SLC24A3: variants seen among roughly 807,000 people sequenced by gnomAD.
The protein encoded by SLC24A3 is sodium/potassium/calcium exchanger 3.
SLC24A3 carries 28 observed loss-of-function variants against 75.8 expected under a neutral mutation model. The observed-to-expected ratio is 0.37, with a 90% CI of 0.27 to 0.51. The LOEUF (loss-of-function observed/expected upper bound fraction) is 0.51. SLC24A3 is among the 20% of genes least tolerant of loss of function. SLC24A3 has a pLI of 0.94. For missense variants in SLC24A3, 663 were observed against 847.8 expected, an observed-to-expected ratio of 0.78 and a Z score of 2.71; for synonymous variants, 372 against 334.1, an observed-to-expected ratio of 1.11 and a Z score of -1.24.
intron 7 of SLC24A3, among the ~76,000 whole-genome samples, chr20:19,657,487 C>G (rs116049563): frequency 1.3e-5 from 2 of 152,230 alleles, no homozygotes; most frequent in African/African-American, 4.8e-5. Flanking sequence ...GGGTATTCAT[C>G]TGTTGCATAG....
chr20:19,545,816 C>A (rs571448115), intron 3 of SLC24A3, among the ~76,000 whole-genome samples: 20 of 152,238 alleles, frequency 1.3e-4, no homozygotes, highest in Admixed American at 1.3e-4. Context: ...TCGAATAGTG[C>A]TTTCATTTCT....
In SLC24A3 at chr20:19,212,992, C is replaced by T. The variant is rs1309361129; in HGVS notation, c.142+8C>T. The T allele has an allele frequency of 3.9e-6, 5 of 1,269,634 alleles. No individual in the cohort carries two copies. Among genetic ancestry groups the T allele is most frequent in the Non-Finnish European group, 5.0e-6 (5 of 1,005,790 alleles). The allele number at this position is 1,269,634 out of a possible 1,614,324, so 78.6% of individuals were successfully genotyped here. A position where few individuals can be genotyped will look rare whatever the true frequency, so the allele number is the denominator to read the frequency against. ...GCCTGCGAGAGCAGAAGGGTGAGTG[C>T]ACGCTGCCTGCCCCGAGTGGGCGCT... On this transcript the variant is annotated splice_region_variant and intron_variant, in intron 1 of 16. Coordinates refer to ENST00000328041, the MANE Select transcript of SLC24A3 (RefSeq NM_020689.4).
chr20:19,411,727 G>T (rs1470432642), intron 2 of SLC24A3, among the ~76,000 whole-genome samples: 1 of 152,190 alleles, frequency 6.6e-6, no homozygotes, highest in Non-Finnish European at 1.5e-5. Flanking sequence ...ATAATTGTAG[G>T]TTATGCTTTT....
At chr20:19,292,086 T>C (rs1048904213) in intron 2 of SLC24A3, among the ~76,000 whole-genome samples, 4 of 152,194 alleles carry the variant, frequency 2.6e-5, no homozygotes, top group African/African-American at 9.7e-5. Flanking sequence ...GGAGGACCCA[T>C]GGGCTGTGGG....
At chr20:19,230,201 G>T (rs956634898) in intron 1 of SLC24A3, among the ~76,000 whole-genome samples, 2 of 152,016 alleles carry the variant, frequency 1.3e-5, no homozygotes, top group African/African-American at 2.4e-5. Context: ...TCCCTTCAGC[G>T]CCCTCACCAC....
chr20:19,346,124 G>A (rs55995657), intron 2 of SLC24A3, among the ~76,000 whole-genome samples: 29,731 of 43,390 alleles, frequency 0.69, 11,712 homozygotes, highest in South Asian at 0.8. Flanking sequence ...GTGTGTGTGT[G>A]TATATATATA....
intron 1 of SLC24A3, among the ~76,000 whole-genome samples, chr20:19,248,786 G>T (rs940429908): frequency 1.3e-5 from 2 of 151,904 alleles, no homozygotes; most frequent in Admixed American, 1.3e-4. Context: ...AGAGAAGGTG[G>T]TGTATATATA....
intron 3 of SLC24A3, among the ~76,000 whole-genome samples, chr20:19,517,341 G>A (rs1463575932): frequency 1.3e-5 from 2 of 152,186 alleles, no homozygotes; most frequent in African/African-American, 4.8e-5. Context: ...GTTGTCGCCT[G>A]CAGCTGCATG....
Position 19,377,825 on chromosome 20 carries a change from T to A in SLC24A3, c.271+96738T>A, listed in dbSNP as rs16980451. Among the ~76,000 whole-genome samples the A allele has an allele frequency of 9.7e-3, 1,475 of 152,288 alleles. 19 individuals are homozygous for A. Among genetic ancestry groups the A allele is most frequent in the African/African-American group, 0.034 (1,402 of 41,566 alleles). On this transcript the variant is annotated intron_variant, in intron 2 of 16. Coordinates refer to ENST00000328041, the MANE Select transcript of SLC24A3 (RefSeq NM_020689.4). ...CAGACCTGTTCAGAAAAGGCTTTCATTCCAAGGAAGCAGAATGGAAAACAG... is the reference window on the plus strand; with the variant it reads ...CAGACCTGTTCAGAAAAGGCTTTCAATCCAAGGAAGCAGAATGGAAAACAG...
intron 6 of SLC24A3, among the ~76,000 whole-genome samples, chr20:19,644,290 G>T (rs893803725): frequency 2.6e-5 from 4 of 152,250 alleles, no homozygotes; most frequent in African/African-American, 9.6e-5. Context: ...TCATGGGTGT[G>T]ACTCAGACCC....
intron 2 of SLC24A3, among the ~76,000 whole-genome samples, chr20:19,355,519 C>A (rs534391406): frequency 1.3e-5 from 2 of 152,304 alleles, no homozygotes; most frequent in Non-Finnish European, 2.9e-5. Flanking sequence ...AGCTGTAGGA[C>A]CCCCAGGGTG....
chr20:19,470,619 G>T (rs1374221839), intron 2 of SLC24A3, among the ~76,000 whole-genome samples: 1 of 152,098 alleles, frequency 6.6e-6, no homozygotes, highest in Non-Finnish European at 1.5e-5. Context: ...CACACACATA[G>T]ACATGACTAC....
At chr20:19,319,610 T>A (rs1298197491) in intron 2 of SLC24A3, among the ~76,000 whole-genome samples, 2 of 152,142 alleles carry the variant, frequency 1.3e-5, no homozygotes, top group Non-Finnish European at 2.9e-5. Context: ...GGAGGCAGAG[T>A]GCTGTTTAAA....
intron 2 of SLC24A3, among the ~76,000 whole-genome samples, chr20:19,473,239 C>T (rs1464038245): frequency 6.6e-6 from 1 of 152,180 alleles, no homozygotes; most frequent in Non-Finnish European, 1.5e-5. Flanking sequence ...CTGTGTGGCT[C>T]TTCAGGATTT....
rs2029964949 is a variant in SLC24A3, at chr20:19,515,358, GAACTTA to G, written c.272-127_272-122del. 5 of 882,964 alleles carry G rather than the reference GAACTTA, an allele frequency of 5.7e-6. No individual in the cohort carries two copies. The South Asian group carries it at 7.9e-5, about 14-fold the overall frequency. The allele number at this position is 882,964 out of a possible 1,614,324, so 54.7% of individuals were successfully genotyped here. A position where few individuals can be genotyped will look rare whatever the true frequency, so the allele number is the denominator to read the frequency against. On this transcript the variant is annotated intron_variant, in intron 2 of 16. Coordinates refer to ENST00000328041, the MANE Select transcript of SLC24A3 (RefSeq NM_020689.4). ...AACACTAAATTCTGGTTAGTTTTGT[GAACTTA>G]AAGATTCAGGATCTTTTTTTCATCC...
intron 2 of SLC24A3, among the ~76,000 whole-genome samples, chr20:19,302,195 TA>T (rs1166496796): frequency 6.6e-6 from 1 of 152,204 alleles, no homozygotes; most frequent in Non-Finnish European, 1.5e-5. Flanking sequence ...TATATTTCCA[TA>T]AGGAGTGGTC....
At chr20:19,477,102 T>C (rs538266552) in intron 2 of SLC24A3, among the ~76,000 whole-genome samples, 1 of 152,126 alleles carries the variant, frequency 6.6e-6, no homozygotes, top group South Asian at 2.1e-4. Context: ...CACAGGGCTA[T>C]TAACCAGGCA....
chr20:19,552,706 T>C (rs887828747), intron 3 of SLC24A3, among the ~76,000 whole-genome samples: 5 of 152,208 alleles, frequency 3.3e-5, no homozygotes, highest in African/African-American at 1.2e-4. Context: ...TTTTTCCTTC[T>C]TTCTGACCCC....
chr20:19,353,234 T>C (rs1985610593), intron 2 of SLC24A3, among the ~76,000 whole-genome samples: 1 of 152,180 alleles, frequency 6.6e-6, no homozygotes, highest in Non-Finnish European at 1.5e-5. Context: ...TTTATACAGT[T>C]GTAAATTTAG....
Sources: allele counts gnomAD v4.1 joint callset (sites outside exome capture counted in the v4.1 genomes callset), GRCh38; gene constraint gnomAD v4.1.1; transcripts MANE v1.5; gene names NCBI Gene and HGNC (gene_info 2026-07-23, HGNC 2026-07-21).